Variants in VPS13C observed in about 807,000 individuals in gnomAD.
The protein encoded by VPS13C is intermembrane lipid transfer protein VPS13C.
In VPS13C, 358 loss-of-function variants were observed where a neutral mutation model predicts 456.8. That is an observed-to-expected ratio of 0.78 (90% CI 0.72 to 0.86). The LOEUF is 0.86. VPS13C is among the 40% of genes least tolerant of loss of function. VPS13C has a pLI of 0.00. For synonymous variants in VPS13C, 1,578 were observed against 1,486.7 expected (o/e 1.06, Z -1.41); for missense variants, 4,818 against 4,385.4 (o/e 1.10, Z -2.79).
In VPS13C at chr15:62,024,341, A is replaced by C. The variant is rs12595721; in HGVS notation, c.449-496T>G. ...CACAAGCAAATTATTTAATGACTCAAGGATATAAAGAACATTAAGTGGGCA... is the reference window on the plus strand; with the variant it reads ...CACAAGCAAATTATTTAATGACTCACGGATATAAAGAACATTAAGTGGGCA... On this transcript the variant is annotated intron_variant, in intron 6 of 84. Transcript: ENST00000644861. 1.1e-3 allele frequency among the ~76,000 whole-genome samples: 172 copies of C among 152,236 alleles called. 6 individuals are homozygous for C. In the East Asian group the frequency reaches 0.033, roughly 29 times the overall value.
intron 10 of VPS13C, among the ~76,000 whole-genome samples, chr15:62,013,576 T>C (rs1335994842): frequency 6.6e-6 from 1 of 152,006 alleles, no homozygotes; most frequent in Non-Finnish European, 1.5e-5. Flanking sequence ...AGCTCTATAG[T>C]TTAAAATAAA....
chr15:61,953,821 C>T lies in VPS13C; in HGVS notation c.4299+600G>A, dbSNP rs577224221. Among the ~76,000 whole-genome samples the T allele has an allele frequency of 1.3e-3, 194 of 152,198 alleles. 1 individual carries two copies. Among genetic ancestry groups the T allele is most frequent in the Non-Finnish European group, 2.0e-3 (133 of 68,000 alleles). On this transcript the variant is annotated intron_variant, in intron 38 of 84. Transcript: ENST00000644861. ...ATGACCCTCTCAGTTTGCTTAAATG[C>T]CCCCTCCCTACCATCAGCACCCCAA...
intron 15 of VPS13C, among the ~76,000 whole-genome samples, chr15:62,002,237 T>C (rs1020274792): frequency 4.6e-5 from 7 of 152,232 alleles, no homozygotes; most frequent in Non-Finnish European, 1.0e-4. Context: ...GGTATCTCAT[T>C]GTGGTTTTGA....
intron 35 of VPS13C, among the ~76,000 whole-genome samples, chr15:61,960,486 T>C (rs1206576247): frequency 6.6e-6 from 1 of 152,206 alleles, no homozygotes; most frequent in African/African-American, 2.4e-5. Context: ...TTTCAGATTA[T>C]AGTATTACAT....
At chr15:61,870,866 T>C (rs1894970839) in intron 79 of VPS13C, among the ~76,000 whole-genome samples, 2 of 152,184 alleles carry the variant, frequency 1.3e-5, no homozygotes, top group Admixed American at 6.6e-5. Context: ...CGACTAATGA[T>C]GTTTACCATC....
In VPS13C at chr15:61,969,354, G is replaced by A. The variant is rs749454574; in HGVS notation, c.2856C>T (p.Asp952=). 136 of 1,604,600 alleles carry A rather than the reference G, an allele frequency of 8.5e-5. 1 individual carries two copies. Among genetic ancestry groups the A allele is most frequent in the Non-Finnish European group, 1.1e-4 (126 of 1,175,822 alleles). The part of the protein sequence containing the change: ...LGTEATMRTF[D]LTVVSYLKKI... ...TCTTTAAATAAGATACCACAGTTAA[G>A]TCAAATGTTCTCATTGTGGCCTCTG... is the stretch of plus-strand genomic sequence containing the variant. The change falls in exon 28 of 85, where the codon GAC becomes GAT. Residue 952 remains aspartate (D), a synonymous_variant. Transcript: ENST00000644861.
chr15:61,990,957 A>T, intron 18 of VPS13C, 43 bp downstream of exon 18: 1 of 1,325,702 alleles, frequency 7.5e-7, no homozygotes, highest in Non-Finnish European at 1.1e-6. Flanking sequence ...AATCTAATAT[A>T]GTACAATGAG....
At chr15:62,017,812 A>G (rs1267252137) in intron 9 of VPS13C, among the ~76,000 whole-genome samples, 4 of 152,162 alleles carry the variant, frequency 2.6e-5, no homozygotes, top group South Asian at 4.1e-4. Flanking sequence ...GTTTTTTCCA[A>G]TTCTGTGAAG....
intron 1 of VPS13C, 81 bp downstream of exon 1, chr15:62,060,194 G>T: frequency 1.3e-6 from 1 of 750,152 alleles, no homozygotes; most frequent in Non-Finnish European, 2.2e-6. Flanking sequence ...AGGGAGCAGG[G>T]CCCGGGCAGA....
chr15:61,949,707 C>G (rs1407601335), intron 41 of VPS13C, 102 bp from the exon 42 acceptor site: 1 of 1,139,934 alleles, frequency 8.8e-7, no homozygotes. Context: ...CAATTAAGGG[C>G]CTTTTTAAAA....
chr15:62,052,612 G>T (rs2048659470), intron 1 of VPS13C, among the ~76,000 whole-genome samples: 1 of 144,234 alleles, frequency 6.9e-6, no homozygotes, highest in Non-Finnish European at 1.5e-5. Context: ...GGCAGAGCTT[G>T]CAGTGAGCCG....
At chr15:61,944,499 C>T (rs2044539327) in intron 45 of VPS13C, among the ~76,000 whole-genome samples, 1 of 152,136 alleles carries the variant, frequency 6.6e-6, no homozygotes, top group East Asian at 1.9e-4. Context: ...ATGAATGCAG[C>T]TGGAGGCCAT....
chr15:62,016,309 A>C (rs964795663), intron 9 of VPS13C, among the ~76,000 whole-genome samples: 4 of 151,884 alleles, frequency 2.6e-5, no homozygotes, highest in Non-Finnish European at 2.9e-5. Flanking sequence ...TCTAGGGTAC[A>C]TGTGCACAAC....
At chr15:61,917,242 C>A in intron 60 of VPS13C, 99 bp downstream of exon 60, 1 of 1,232,580 alleles carries the variant, frequency 8.1e-7, no homozygotes, top group Non-Finnish European at 1.1e-6. Context: ...ATTACACATA[C>A]GCTATATAAA....
chr15:61,982,020 A>G (rs922282714), intron 21 of VPS13C, among the ~76,000 whole-genome samples: 3 of 152,230 alleles, frequency 2.0e-5, no homozygotes, highest in Non-Finnish European at 2.9e-5. Context: ...AGTAAACCCA[A>G]CATAGCTAGT....
intron 79 of VPS13C, among the ~76,000 whole-genome samples, chr15:61,870,438 A>G (rs1894935693): frequency 6.6e-6 from 1 of 152,150 alleles, no homozygotes; most frequent in Non-Finnish European, 1.5e-5. Context: ...AGGTTCATCC[A>G]TTTTGTAACA....
rs757940690 is a variant in VPS13C at position 62,013,073 on chromosome 15, C to A, written c.791G>T (p.Ser264Ile). 1.2e-6 allele frequency: 2 copies of A among 1,611,066 alleles called. No homozygotes were observed. The highest frequency in any genetic ancestry group is 4.5e-5 in the East Asian group (2 of 44,714). ...TTCCCTTGATCTCTGGTAAGACATG[C>A]TGCAATTTACATTCCAGTAGGCGCT... ...SLSAYWNVNC[S>I]MSYQRSREQI... The change falls in exon 11 of 85, where the codon AGC becomes ATC. Residue 264 changes from serine to isoleucine, a missense_variant. By Grantham distance (142) the Ser-to-Ile change is moderately radical. Coordinates refer to ENST00000644861, the MANE Select transcript of VPS13C (RefSeq NM_020821.3).
chr15:61,885,344 A>T (rs1436518548), intron 67 of VPS13C, among the ~76,000 whole-genome samples: 1 of 152,174 alleles, frequency 6.6e-6, no homozygotes, highest in Non-Finnish European at 1.5e-5. Flanking sequence ...CTATTATTGC[A>T]TTATCAATTC....
At chr15:61,968,966 T>G (rs978487420) in intron 28 of VPS13C, among the ~76,000 whole-genome samples, 2 of 152,148 alleles carry the variant, frequency 1.3e-5, no homozygotes, top group South Asian at 2.1e-4. Flanking sequence ...AGAGACTCTC[T>G]GAGGCAAAAG....
Sources: gnomAD v4.1 joint callset for allele counts (sites outside exome capture counted in the v4.1 genomes callset) on GRCh38, gnomAD v4.1.1 for gene constraint, MANE v1.5 for transcripts, NCBI Gene and HGNC (gene_info 2026-07-23, HGNC 2026-07-21) for gene names.